PROX1: variants seen among roughly 807,000 people sequenced by gnomAD.
PROX1 encodes the protein prospero homeobox 1, also known as prospero homeobox protein 1.
Under a neutral mutation model 58.8 loss-of-function variants are expected in PROX1, and 7 were observed. The ratio of observed to expected loss-of-function variants is 0.12; its 90% CI spans 0.07 to 0.22. PROX1 has a LOEUF of 0.22. Among genes scored for constraint, PROX1 ranks in the 10% least tolerant of loss-of-function variants. PROX1 has a pLI of 1.00. For missense variants in PROX1, 675 were observed against 927.8 expected (o/e 0.73, Z 3.54); for synonymous variants, 350 against 358.3 (o/e 0.98, Z 0.26).
Position 213,997,803 on chromosome 1 carries a change from C to T in PROX1, c.1268C>T (p.Thr423Ile). The change falls in exon 2 of 5, where the codon ACC becomes ATC. Residue 423 changes from threonine (T) to isoleucine (I), a missense_variant. This residue lies in a region of PROX1 where 403 missense variants were observed against 477.4 expected (regional missense o/e 0.84). Transcript: ENST00000366958. This position sits in a 1 kb window ranked among gnomAD's most constrained non-coding sequence, Gnocchi z 7.1. ...GDVIIPNPLD[T>I]FGNVQMASST... ...GTCATCATTCCGAACCCCCTGGACA[C>T]CTTTGGCAATGTGCAGATGGCCAGT... 1 of 1,614,250 alleles carries T rather than the reference C, an allele frequency of 6.2e-7. No individual in the cohort carries two copies. The highest frequency in any genetic ancestry group is 8.5e-7 in the Non-Finnish European group (1 of 1,180,038).
Position 213,996,910 on chromosome 1 carries a change from G to A in PROX1, c.375G>A (p.Gln125=). The A allele has an allele frequency of 6.2e-7, 1 of 1,614,144 alleles. No individual in the cohort carries two copies. Among genetic ancestry groups the A allele is most frequent in the Non-Finnish European group, 8.5e-7 (1 of 1,180,032 alleles). The change falls in exon 2 of 5, where the codon CAG becomes CAA. Residue 125 remains glutamine, a synonymous_variant. Transcript: ENST00000366958. ...CTAGTACAGGCTCCGAAGTACATCA[G>A]GAGGATATATGCAGCAACTCTTCAA... ...GLSSTGSEVH[Q]EDICSNSSRD... is the part of the protein sequence containing the mutation.
chr1:214,028,196 A>G (rs936906077), intron 4 of PROX1, among the ~76,000 whole-genome samples: 1 of 152,144 alleles, frequency 6.6e-6, no homozygotes, highest in Non-Finnish European at 1.5e-5. Flanking sequence ...GGCACCCGAA[A>G]GCAACTTCAC....
At chr1:214,017,659 T>C (rs1040224490) in intron 4 of PROX1, among the ~76,000 whole-genome samples, 4 of 151,378 alleles carry the variant, frequency 2.6e-5, no homozygotes, top group Non-Finnish European at 5.9e-5. Flanking sequence ...CACAAAAAAA[T>C]CTTTGCTTTC....
chr1:214,002,004 C>T (rs183367573), intron 2 of PROX1, among the ~76,000 whole-genome samples: 19 of 152,212 alleles, frequency 1.2e-4, no homozygotes, highest in Admixed American at 8.5e-4. Context: ...GGGGGAAAAC[C>T]TCTTAGAAAC....
chr1:213,994,802 T>TAA (rs1211103083), intron 1 of PROX1, among the ~76,000 whole-genome samples: 4 of 120,810 alleles, frequency 3.3e-5, no homozygotes, highest in Admixed American at 8.5e-5. Context: ...TATATATATA[T>TAA]AAAGAGGTAT....
At chr1:213,999,910 A>G (rs1341857980) in intron 2 of PROX1, among the ~76,000 whole-genome samples, 2 of 152,146 alleles carry the variant, frequency 1.3e-5, no homozygotes, top group Non-Finnish European at 2.9e-5. Flanking sequence ...GCCCTTTGCA[A>G]AAAGAGCATC....
At position 214,019,690 on chromosome 1, in the gene PROX1, T is replaced by C. The variant is rs942756287; in HGVS notation, c.2028+7975T>C. 1.8e-4 allele frequency among the ~76,000 whole-genome samples: 27 copies of C among 152,296 alleles called. 1 individual carries two copies. The highest frequency in any genetic ancestry group is 5.3e-4 in the African/African-American group (22 of 41,560). The stretch of plus-strand genomic sequence containing the variant: ...ACAGTCTGGTCTGTGACACTGATGG[T>C]GATTATGTCATTATTTTGCTCTGGG... On this transcript the variant is annotated intron_variant, in intron 4 of 4. Coordinates refer to ENST00000366958, the MANE Select transcript of PROX1 (RefSeq NM_001270616.2).
rs765587710 is a variant in PROX1 at position 213,998,033 on chromosome 1, C to T, written c.1498C>T (p.Pro500Ser). ...AYPFQSPLGAPSGSFSGKDRA... is the reference protein window; with the variant it reads ...AYPFQSPLGASSGSFSGKDRA... ...TCCATTTCAGAGCCCATTAGGTGCT[C>T]CCTCCGGCTCCTTCTCTGGAAAAGA... Residue 500 changes from proline (P) to serine (S), a missense_variant, in exon 2 of 5, where the codon CCC becomes TCC. By Grantham distance (74) the Pro-to-Ser change is moderately conservative. This residue lies in a region of PROX1 where 403 missense variants were observed against 477.4 expected (regional missense o/e 0.84). Transcript: ENST00000366958. 1 of 1,611,512 alleles carries T rather than the reference C, an allele frequency of 6.2e-7. No individual in the cohort carries two copies. Among genetic ancestry groups the T allele is most frequent in the African/African-American group, 1.3e-5 (1 of 74,880 alleles).
At chr1:214,000,370 C>G (rs1195448645) in intron 2 of PROX1, among the ~76,000 whole-genome samples, 1 of 152,106 alleles carries the variant, frequency 6.6e-6, no homozygotes, top group East Asian at 1.9e-4. Flanking sequence ...GAAATAAGTT[C>G]CTTTTATTTT....
intron 4 of PROX1, among the ~76,000 whole-genome samples, chr1:214,027,873 T>TAA (rs1212577916): frequency 1.3e-5 from 2 of 151,424 alleles, no homozygotes; most frequent in Admixed American, 1.3e-4. Flanking sequence ...TATATATATA[T>TAA]AAAAGAGATA....
chr1:214,016,563 C>G (rs1664103069), intron 4 of PROX1, among the ~76,000 whole-genome samples: 1 of 152,170 alleles, frequency 6.6e-6, no homozygotes, highest in African/African-American at 2.4e-5. Flanking sequence ...AAAAGAAACC[C>G]TTACCATTTC....
intron 1 of PROX1, among the ~76,000 whole-genome samples, chr1:213,993,701 T>C (rs1278662590): frequency 6.6e-6 from 1 of 152,248 alleles, no homozygotes; most frequent in Non-Finnish European, 1.5e-5. Context: ...ATTTCTAAAT[T>C]AAATCTAAGC....
At chr1:213,992,336 T>G (rs937905279) in intron 1 of PROX1, among the ~76,000 whole-genome samples, 1 of 152,068 alleles carries the variant, frequency 6.6e-6, no homozygotes, top group African/African-American at 2.4e-5. Flanking sequence ...ATATCAAAGG[T>G]TTTCTTAACC....
chr1:213,990,133 TA>T (rs5780750), intron 1 of PROX1, among the ~76,000 whole-genome samples: 64,787 of 131,278 alleles, frequency 0.49, 15,837 homozygotes, highest in African/African-American at 0.56. Flanking sequence ...CTCCCTTATT[TA>T]AAAAAAAAAA....
intron 1 of PROX1, among the ~76,000 whole-genome samples, chr1:213,989,331 C>A (rs1662934536): frequency 6.6e-6 from 1 of 151,206 alleles, no homozygotes. Context: ...CCGGGAGGCT[C>A]GGGGGGTCGC....
intron 2 of PROX1, 69 bp downstream of exon 2, chr1:213,998,329 CA>C (rs1663364046): frequency 2.7e-6 from 4 of 1,478,920 alleles, no homozygotes; most frequent in African/African-American, 1.4e-5. Context: ...TGGGTTTACA[CA>C]ATATCTAGAG....
At chr1:213,996,159 G>T (rs1663255848) in intron 1 of PROX1, among the ~76,000 whole-genome samples, 1 of 152,096 alleles carries the variant, frequency 6.6e-6, no homozygotes, top group East Asian at 1.9e-4. Context: ...CAGAGGCTGT[G>T]TTCTTATAAT....
At position 214,040,690 on chromosome 1, in the gene PROX1, T is replaced by C. The variant is rs1172869974; in HGVS notation, c.*4856T>C. ...GTAAATAGCATTATTAAGCTCTTTT[T>C]TGTAATAAAGACCCTTTGATTTGAA... On this transcript the variant is annotated 3_prime_UTR_variant, in exon 5 of 5. Coordinates refer to ENST00000366958, the MANE Select transcript of PROX1 (RefSeq NM_001270616.2). 6.6e-6 allele frequency: 1 copy of C among 152,200 alleles called. No individual in the cohort carries two copies. Among genetic ancestry groups the C allele is most frequent in the Non-Finnish European group, 1.5e-5 (1 of 68,012 alleles). The allele number at this position is 152,200 out of a possible 1,614,324, so 9.4% of individuals were successfully genotyped here. A position where few individuals can be genotyped will look rare whatever the true frequency, so the allele number is the denominator to read the frequency against.
rs2102795092 is a variant in PROX1, at chr1:214,038,617, CTG to C, written c.*2786_*2787del. 1 of 152,332 alleles carries C rather than the reference CTG, an allele frequency of 6.6e-6. No homozygotes were observed. The highest frequency in any genetic ancestry group is 2.4e-5 in the African/African-American group (1 of 41,572). 9.4% of individuals were successfully genotyped at this position (152,332 alleles called of 1,614,324 possible). On this transcript the variant is annotated 3_prime_UTR_variant, in exon 5 of 5. Transcript: ENST00000366958. ...TTGCGTATACGCTTGAGGTTATAGT[CTG>C]TGCCTAGACCTAAAATGCACCAGCG...
Sources: allele counts gnomAD v4.1 joint callset (sites outside exome capture counted in the v4.1 genomes callset), GRCh38; gene constraint gnomAD v4.1.1; regional missense constraint gnomAD v4.1.1; non-coding constraint Gnocchi (gnomAD v3.1); transcripts MANE v1.5; gene names NCBI Gene and HGNC (gene_info 2026-07-23, HGNC 2026-07-21).